The following MAD1L1 variants were observed in gnomAD, a reference collection of about 807,000 sequenced individuals.
MAD1L1 encodes the protein mitotic spindle assembly checkpoint protein MAD1.
A neutral mutation model predicts 96.9 loss-of-function variants in MAD1L1; 95 were observed. That is an observed-to-expected ratio of 0.98 (90% confidence interval 0.83 to 1.16). The LOEUF is 1.16. Ranked by LOEUF, MAD1L1 falls within the 50% of genes most tolerant of loss-of-function variation. The pLI is 0.00. For synonymous variants in MAD1L1, 473 were observed against 396.6 expected (o/e 1.19, Z -2.29); for missense variants, 1,007 against 954.4 (o/e 1.06, Z -0.73).
intron 11 of MAD1L1, among the ~76,000 whole-genome samples, chr7:2,082,793 C>T (rs1785719221): frequency 6.6e-6 from 1 of 152,256 alleles, no homozygotes. Context: ...GAGCCCGGCG[C>T]CTGCACTCGG....
rs529336639 is a variant in MAD1L1 at position 1,989,622 on chromosome 7, C to T, written c.1417-9081G>A. 3.0e-3 allele frequency among the ~76,000 whole-genome samples: 460 copies of T among 152,280 alleles called. 2 individuals are homozygous for T. Among genetic ancestry groups the T allele is most frequent in the African/African-American group, 0.01 (433 of 41,558 alleles). On this transcript the variant is annotated intron_variant, in intron 14 of 18. Coordinates refer to ENST00000265854, the MANE Select transcript of MAD1L1 (RefSeq NM_001013836.2). ...AGCCTGAGCGCGAGCACAGACGTCC[C>T]GGCAGCGCTCCAGCCTCAGCGTGGA...
intron 11 of MAD1L1, among the ~76,000 whole-genome samples, chr7:2,135,771 C>T (rs1788720297): frequency 6.6e-6 from 1 of 152,220 alleles, no homozygotes; most frequent in African/African-American, 2.4e-5. Context: ...GTGCACATGT[C>T]CCAGGCCCAA....
intron 11 of MAD1L1, among the ~76,000 whole-genome samples, chr7:2,076,946 AGTGAGCCCGCGGCACG>A (rs1405875189): frequency 2.1e-5 from 3 of 146,092 alleles, no homozygotes; most frequent in Admixed American, 6.8e-5. Context: ...GTTATGGCAC[AGTGAGCCCGCGGCACG>A]GTGAGCCCGC....
Position 2,230,141 on chromosome 7 carries a change from T to C in MAD1L1, c.-8A>G. ...TTCCCCCAGGTCTTCCATGGTTGCT[T>C]TCCTTCCGGGGACAGACAAAGGACT... is the stretch of plus-strand genomic sequence containing the variant. On this transcript the variant is annotated splice_region_variant and 5_prime_UTR_variant, in exon 3 of 19. Coordinates refer to ENST00000265854, the MANE Select transcript of MAD1L1 (RefSeq NM_001013836.2). The C allele has an allele frequency of 6.3e-7, 1 of 1,583,036 alleles. No individual in the cohort carries two copies. Among genetic ancestry groups the C allele is most frequent in the South Asian group, 1.2e-5 (1 of 86,944 alleles).
At chr7:2,208,962 C>A (rs1165302171) in intron 10 of MAD1L1, among the ~76,000 whole-genome samples, 1 of 152,184 alleles carries the variant, frequency 6.6e-6, no homozygotes, top group Non-Finnish European at 1.5e-5. Context: ...ACTTCCAGCA[C>A]CCTAAGGATG....
At chr7:2,054,621 G>A (rs1391034509) in intron 12 of MAD1L1, among the ~76,000 whole-genome samples, 1 of 152,196 alleles carries the variant, frequency 6.6e-6, no homozygotes, top group African/African-American at 2.4e-5. Context: ...ATGGGAAAGG[G>A]CGATATATTA....
At chr7:2,217,776 A>G (rs550708688) in intron 7 of MAD1L1, among the ~76,000 whole-genome samples, 186 bp downstream of exon 7, 132 of 152,346 alleles carry the variant, frequency 8.7e-4, no homozygotes, top group Non-Finnish European at 1.7e-3. Flanking sequence ...CGCTCCCAAG[A>G]GCGGAAGCAT....
intron 14 of MAD1L1, among the ~76,000 whole-genome samples, chr7:1,986,521 C>T (rs1479635801): frequency 6.6e-6 from 1 of 151,520 alleles, no homozygotes; most frequent in Non-Finnish European, 1.5e-5. Flanking sequence ...TTCTACTCCG[C>T]GGCTCCCTCG....
chr7:2,032,143 G>A (rs185580264), intron 12 of MAD1L1, among the ~76,000 whole-genome samples: 124 of 152,284 alleles, frequency 8.1e-4, no homozygotes, highest in Non-Finnish European at 1.6e-3. Context: ...TCATTCATGC[G>A]GGACGCCCGG....
chr7:1,967,791 T>A (rs540426625), intron 15 of MAD1L1, among the ~76,000 whole-genome samples: 1 of 152,078 alleles, frequency 6.6e-6, no homozygotes, highest in East Asian at 1.9e-4. Context: ...GCGAAACAAG[T>A]CCCGCTGCAT....
intron 11 of MAD1L1, among the ~76,000 whole-genome samples, chr7:2,141,737 G>T (rs953528512): frequency 6.6e-6 from 1 of 152,192 alleles, no homozygotes; most frequent in African/African-American, 2.4e-5. Flanking sequence ...AGGAGCGGGC[G>T]GCTGCACATG....
intron 18 of MAD1L1, among the ~76,000 whole-genome samples, chr7:1,840,207 A>G (rs10228189): frequency 0.84 from 127,283 of 152,168 alleles, 53,743 homozygotes; most frequent in African/African-American, 0.95. Flanking sequence ...TGCACGCTGG[A>G]TGCCCTGGAG....
chr7:1,974,822 C>A (rs569477373), intron 15 of MAD1L1, among the ~76,000 whole-genome samples: 137 of 152,368 alleles, frequency 9.0e-4, no homozygotes, highest in African/African-American at 3.2e-3. Context: ...CAGGCCCCGG[C>A]CAGAGTGTTC....
intron 12 of MAD1L1, among the ~76,000 whole-genome samples, chr7:2,037,214 T>TC (rs1783480783): frequency 6.6e-6 from 1 of 151,992 alleles, no homozygotes; most frequent in Admixed American, 6.6e-5. Flanking sequence ...CTTCTTTTTT[T>TC]TTTTTTTTTT....
At chr7:1,966,695 G>A (rs1404541493) in intron 15 of MAD1L1, among the ~76,000 whole-genome samples, 1 of 152,102 alleles carries the variant, frequency 6.6e-6, no homozygotes, top group Non-Finnish European at 1.5e-5. Context: ...AAAAAAAATG[G>A]TGAAAACAGA....
At chr7:1,930,978 A>G (rs1176094641) in intron 17 of MAD1L1, among the ~76,000 whole-genome samples, 2 of 152,208 alleles carry the variant, frequency 1.3e-5, no homozygotes, top group Non-Finnish European at 2.9e-5. Flanking sequence ...GGGACTGTGC[A>G]GGCAGCCTAC....
intron 5 of MAD1L1, among the ~76,000 whole-genome samples, chr7:2,220,057 T>G (rs1381230273): frequency 1.3e-5 from 2 of 152,228 alleles, no homozygotes; most frequent in African/African-American, 4.8e-5. Context: ...GCTCCTGTCA[T>G]CCCTCCCTAG....
At chr7:1,953,227 T>C (rs766885031) in intron 16 of MAD1L1, among the ~76,000 whole-genome samples, 1 of 152,174 alleles carries the variant, frequency 6.6e-6, no homozygotes, top group Non-Finnish European at 1.5e-5. Context: ...CAGAACGGTC[T>C]CCGTGTGCTT....
At chr7:2,202,952 C>G (rs1315312637) in intron 10 of MAD1L1, among the ~76,000 whole-genome samples, 3 of 152,162 alleles carry the variant, frequency 2.0e-5, no homozygotes, top group African/African-American at 7.2e-5. Context: ...GACAGGTGCC[C>G]AGCTTTGACT....
Sources: gnomAD v4.1 joint callset for allele counts (sites outside exome capture counted in the v4.1 genomes callset) on GRCh38, gnomAD v4.1.1 for gene constraint, MANE v1.5 for transcripts, NCBI Gene and HGNC (gene_info 2026-07-23, HGNC 2026-07-21) for gene names.